THSD7B: variants seen among roughly 807,000 people sequenced by gnomAD.
THSD7B encodes thrombospondin type-1 domain-containing protein 7B.
Under a neutral mutation model 213.6 loss-of-function variants are expected in THSD7B, and 138 were observed. That is an observed-to-expected ratio of 0.65 (90% confidence interval 0.56 to 0.74). The LOEUF is 0.74. THSD7B is among the 30% of genes least tolerant of loss of function. THSD7B has a pLI of 0.00. For missense variants in THSD7B, 1,931 were observed against 1,991.5 expected (o/e 0.97, Z 0.58); for synonymous variants, 742 against 687.0 (o/e 1.08, Z -1.25).
At chr2:136,955,439 T>C (rs1646846955) in intron 2 of THSD7B, among the ~76,000 whole-genome samples, 1 of 152,192 alleles carries the variant, frequency 6.6e-6, no homozygotes, top group Admixed American at 6.5e-5. Flanking sequence ...AGATTCTTTC[T>C]ATGTGTTAAT....
chr2:137,417,350 G>A (rs1056339655), intron 14 of THSD7B, among the ~76,000 whole-genome samples: 1 of 152,116 alleles, frequency 6.6e-6, no homozygotes, highest in Non-Finnish European at 1.5e-5. Context: ...GCTTGGGACT[G>A]AAAATTACAT....
At chr2:136,893,255 CA>C (rs946039506) in intron 2 of THSD7B, among the ~76,000 whole-genome samples, 2 of 152,068 alleles carry the variant, frequency 1.3e-5, no homozygotes, top group African/African-American at 4.8e-5. Flanking sequence ...ATTAAAACTT[CA>C]AAAAACCTAA....
intron 20 of THSD7B, among the ~76,000 whole-genome samples, chr2:137,637,303 A>G (rs953911912): frequency 1.3e-5 from 2 of 152,190 alleles, no homozygotes; most frequent in Non-Finnish European, 2.9e-5. Flanking sequence ...TTTGAGGGAT[A>G]CATTTTTGGT....
intron 4 of THSD7B, among the ~76,000 whole-genome samples, chr2:137,107,665 T>C (rs1281948591): frequency 6.6e-6 from 1 of 152,228 alleles, no homozygotes; most frequent in Non-Finnish European, 1.5e-5. Context: ...CATTTGTCTA[T>C]TACTGAGGTA....
chr2:137,193,973 A>T (rs1680710070), intron 7 of THSD7B, among the ~76,000 whole-genome samples: 1 of 151,930 alleles, frequency 6.6e-6, no homozygotes, highest in African/African-American at 2.4e-5. Flanking sequence ...CTCATCTGGA[A>T]ATTGAGCTAA....
chr2:137,093,896 T>C (rs529341819), intron 3 of THSD7B, among the ~76,000 whole-genome samples: 1 of 152,236 alleles, frequency 6.6e-6, no homozygotes, highest in Non-Finnish European at 1.5e-5. Flanking sequence ...TATCTCCTAA[T>C]GCCACATTAT....
At chr2:136,889,717 C>A (rs57658626) in intron 2 of THSD7B, among the ~76,000 whole-genome samples, 4 of 152,132 alleles carry the variant, frequency 2.6e-5, no homozygotes, top group Non-Finnish European at 4.4e-5. Context: ...AAGATTCAAG[C>A]GCAGTTCCAA....
intron 7 of THSD7B, among the ~76,000 whole-genome samples, chr2:137,209,933 T>G (rs1413208513): frequency 6.6e-6 from 1 of 152,038 alleles, no homozygotes; most frequent in African/African-American, 2.4e-5. Flanking sequence ...TGAATCTGAC[T>G]GGTATCCTTA....
chr2:136,974,263 T>C (rs1336943909), intron 2 of THSD7B, among the ~76,000 whole-genome samples: 1 of 152,154 alleles, frequency 6.6e-6, no homozygotes, highest in Non-Finnish European at 1.5e-5. Context: ...ATGTGTGCCA[T>C]GGTGTTTTGC....
At chr2:137,626,791 A>T (rs573107591) in intron 20 of THSD7B, among the ~76,000 whole-genome samples, 1 of 152,304 alleles carries the variant, frequency 6.6e-6, no homozygotes, top group Non-Finnish European at 1.5e-5. Flanking sequence ...TATTCCACAA[A>T]GCTGTAGGGG....
chr2:137,589,908 G>T (rs371694277), intron 17 of THSD7B, among the ~76,000 whole-genome samples: 2 of 152,080 alleles, frequency 1.3e-5, no homozygotes, highest in South Asian at 2.1e-4. Context: ...TATGATTTTC[G>T]TCTTAAGGAA....
intron 20 of THSD7B, among the ~76,000 whole-genome samples, chr2:137,638,627 G>A (rs1053616860): frequency 4.6e-5 from 7 of 152,176 alleles, no homozygotes; most frequent in African/African-American, 1.7e-4. Flanking sequence ...CTCAGAAGAA[G>A]ACAAGAAAAT....
chr2:137,403,120 A>AT (rs1686412372), intron 12 of THSD7B, among the ~76,000 whole-genome samples: 3 of 151,968 alleles, frequency 2.0e-5, no homozygotes, highest in South Asian at 4.1e-4. Context: ...TGCGACGTGG[A>AT]TAAAAACGAA....
At chr2:137,291,463 TA>T (rs1683335830) in intron 12 of THSD7B, among the ~76,000 whole-genome samples, 1 of 152,174 alleles carries the variant, frequency 6.6e-6, no homozygotes, top group South Asian at 2.1e-4. Context: ...GTTTGCTCAA[TA>T]AATATTAATC....
chr2:136,974,544 G>A (rs1315037394), intron 2 of THSD7B, among the ~76,000 whole-genome samples: 1 of 152,058 alleles, frequency 6.6e-6, no homozygotes, highest in African/African-American at 2.4e-5. Flanking sequence ...CCTTTTAATG[G>A]CTGCATAGTA....
intron 15 of THSD7B, among the ~76,000 whole-genome samples, chr2:137,470,069 G>A (rs766918358): frequency 6.6e-6 from 1 of 152,144 alleles, no homozygotes; most frequent in Non-Finnish European, 1.5e-5. Context: ...CTATTTGAAG[G>A]AGTTATGGAA....
At chr2:137,345,460 C>A (rs1274281243) in intron 12 of THSD7B, among the ~76,000 whole-genome samples, 1 of 151,654 alleles carries the variant, frequency 6.6e-6, no homozygotes, top group Non-Finnish European at 1.5e-5. Context: ...ACATATGATG[C>A]TTTCTAGACA....
At chr2:137,105,501 A>G (rs1688230397) in intron 4 of THSD7B, among the ~76,000 whole-genome samples, 2 of 152,204 alleles carry the variant, frequency 1.3e-5, no homozygotes, top group African/African-American at 4.8e-5. Flanking sequence ...TGCACAAGAC[A>G]AGGATCCCCT....
chr2:137,363,173 G>A (rs1255038788), intron 12 of THSD7B, among the ~76,000 whole-genome samples: 1 of 152,170 alleles, frequency 6.6e-6, no homozygotes, highest in African/African-American at 2.4e-5. Context: ...AAATAAAGAT[G>A]TTCTTTGAAA....
Sources: allele counts gnomAD v4.1 joint callset (sites outside exome capture counted in the v4.1 genomes callset), GRCh38; gene constraint gnomAD v4.1.1; transcripts MANE v1.5; gene names NCBI Gene and HGNC (gene_info 2026-07-23, HGNC 2026-07-21).